The following FAM184B variants were observed in gnomAD, a reference collection of about 807,000 sequenced individuals.
FAM184B encodes protein FAM184B.
In FAM184B, 111 loss-of-function variants were observed where a neutral mutation model predicts 135.9. The ratio of observed to expected loss-of-function variants is 0.82; its 90% CI spans 0.70 to 0.96. The LOEUF (loss-of-function observed/expected upper bound fraction) is 0.96. Among genes scored for constraint, FAM184B ranks in the 40% least tolerant of loss-of-function variants. FAM184B has a pLI of 0.00. For missense variants in FAM184B, 1,375 were observed against 1,323.9 expected, an observed-to-expected ratio of 1.04 and a Z score of -0.60; for synonymous variants, 552 against 524.8, an observed-to-expected ratio of 1.05 and a Z score of -0.71.
intron 1 of FAM184B, among the ~76,000 whole-genome samples, chr4:17,761,831 T>C (rs914974707): frequency 6.6e-6 from 1 of 152,212 alleles, no homozygotes; most frequent in Admixed American, 6.5e-5. Flanking sequence ...TTTTGTTTTG[T>C]TTTGTTTTTC....
intron 1 of FAM184B, among the ~76,000 whole-genome samples, chr4:17,733,860 C>T (rs903752260): frequency 6.6e-5 from 10 of 152,192 alleles, no homozygotes; most frequent in African/African-American, 1.9e-4. Flanking sequence ...AAAAAGAGCC[C>T]GCATTGCCAA....
In FAM184B at chr4:17,635,025, A is replaced by C; in HGVS notation, c.2873T>G (p.Leu958Trp). 6.4e-7 allele frequency: 1 copy of C among 1,551,776 alleles called. No homozygotes were observed. The highest frequency in any genetic ancestry group is 8.7e-7 in the Non-Finnish European group (1 of 1,146,846). ...CCAATTTACCTTCATGGAAGGGGTC[A>C]AATATCCCGGGTGAGGATTGAAAGA... ...SFSFNPHPGY[L>W]TPSMKKKKVE... is the part of the protein sequence containing the mutation. Residue 958 changes from leucine to tryptophan, a missense_variant, in exon 16 of 18, where the codon TTG becomes TGG. Transcript: ENST00000265018.
chr4:17,712,231 G>A (rs1717292852), intron 1 of FAM184B, among the ~76,000 whole-genome samples: 1 of 152,152 alleles, frequency 6.6e-6, no homozygotes, highest in African/African-American at 2.4e-5. Context: ...GTTTTTTGGT[G>A]ATGACAAGGC....
chr4:17,660,902 C>T (rs1419941005), intron 8 of FAM184B, among the ~76,000 whole-genome samples: 1 of 151,968 alleles, frequency 6.6e-6, no homozygotes, highest in Admixed American at 6.6e-5. Context: ...TTTAGGGTCT[C>T]GGGCTGTGAG....
chr4:17,766,759 G>A lies in FAM184B; in HGVS notation c.141+14400C>T, dbSNP rs549359962. 1.6e-4 allele frequency among the ~76,000 whole-genome samples: 25 copies of A among 152,344 alleles called. No homozygotes were observed. In the South Asian group the frequency reaches 1.9e-3, roughly 11 times the overall value. On this transcript the variant is annotated intron_variant, in intron 1 of 17. Coordinates refer to ENST00000265018, the MANE Select transcript of FAM184B (RefSeq NM_015688.2). The stretch of plus-strand genomic sequence containing the variant: ...CAGCTGGTTTCACCTAGAGGATCCC[G>A]CACCGGGGCAGCAGGCGGAGGTGCC...
chr4:17,713,204 T>C (rs901094783), intron 1 of FAM184B, among the ~76,000 whole-genome samples: 1 of 152,028 alleles, frequency 6.6e-6, no homozygotes, highest in African/African-American at 2.4e-5. Context: ...AATAAAGGAG[T>C]CAGAACTCCA....
intron 15 of FAM184B, among the ~76,000 whole-genome samples, chr4:17,635,551 T>A (rs1216077538): frequency 6.6e-6 from 1 of 151,602 alleles, no homozygotes; most frequent in Non-Finnish European, 1.5e-5. Flanking sequence ...ATATGGCCGA[T>A]CTTGTTTGTG....
In FAM184B at chr4:17,664,630, C is replaced by G. The variant is rs1232051921; in HGVS notation, c.1626G>C (p.Ser542=). 1.3e-6 allele frequency: 2 copies of G among 1,549,532 alleles called. No homozygotes were observed. Among genetic ancestry groups the G allele is most frequent in the East Asian group, 4.9e-5 (2 of 40,848 alleles). ...QDPCLKLDET[S]PRGEEYQDKL... ...TATCTTGATACTCCTCTCCTCTCGG[C>G]GAAGTTTCATCCAGCTTCAAGCATG... The change falls in exon 8 of 18, where the codon TCG becomes TCC. Residue 542 remains serine (S), a synonymous_variant. Coordinates refer to ENST00000265018, the MANE Select transcript of FAM184B (RefSeq NM_015688.2).
chr4:17,649,868 T>TCATTCATC (rs148166955), intron 11 of FAM184B, among the ~76,000 whole-genome samples: 1 of 134,294 alleles, frequency 7.4e-6, no homozygotes, highest in Admixed American at 6.8e-5. Flanking sequence ...ATCCACCCAC[T>TCATTCATC]CATCCATCCA....
chr4:17,744,490 C>CACCACACA (rs1553841920), intron 1 of FAM184B, among the ~76,000 whole-genome samples: 1 of 137,394 alleles, frequency 7.3e-6, no homozygotes, highest in Non-Finnish European at 1.6e-5. Context: ...CACACACACA[C>CACCACACA]CACACACACA....
chr4:17,703,697 CCAAGGAGGGCGGATCACGAGGT>C (rs1287260797), intron 5 of FAM184B, among the ~76,000 whole-genome samples: 3 of 152,042 alleles, frequency 2.0e-5, no homozygotes, highest in African/African-American at 7.2e-5. Context: ...CTTTGGGAGG[CCAAGGAGGGCGGATCACGAGGT>C]CAAGAGATCT....
intron 1 of FAM184B, among the ~76,000 whole-genome samples, chr4:17,738,467 C>G (rs981557772): frequency 1.3e-5 from 2 of 152,092 alleles, no homozygotes; most frequent in East Asian, 3.9e-4. Context: ...TGCCTACATA[C>G]AATGTAGGCA....
At chr4:17,672,429 T>C (rs955044912) in intron 7 of FAM184B, among the ~76,000 whole-genome samples, 1 of 152,176 alleles carries the variant, frequency 6.6e-6, no homozygotes, top group African/African-American at 2.4e-5. Context: ...ATAGTGGGCT[T>C]TCTTGTCTTG....
At chr4:17,680,612 G>A (rs2108952370) in intron 7 of FAM184B, among the ~76,000 whole-genome samples, 1 of 152,280 alleles carries the variant, frequency 6.6e-6, no homozygotes, top group African/African-American at 2.4e-5. Flanking sequence ...CTACTCTTGG[G>A]TTTTTCCCAT....
intron 1 of FAM184B, among the ~76,000 whole-genome samples, chr4:17,758,095 G>T (rs1043908147): frequency 6.6e-6 from 1 of 152,206 alleles, no homozygotes; most frequent in African/African-American, 2.4e-5. Flanking sequence ...CTAACTAGCT[G>T]TGTGTCCTCA....
chr4:17,779,976 C>T (rs796832012), intron 1 of FAM184B, among the ~76,000 whole-genome samples: 38 of 152,208 alleles, frequency 2.5e-4, no homozygotes, highest in African/African-American at 7.9e-4. Flanking sequence ...TCAATAGTAC[C>T]AGCTATACAT....
rs762260244 is a variant in FAM184B at position 17,637,375 on chromosome 4, GGA to G, written c.2667-732_2667-731del. On this transcript the variant is annotated intron_variant, in intron 14 of 17. Coordinates refer to ENST00000265018, the MANE Select transcript of FAM184B (RefSeq NM_015688.2). ...CCAGAGAAGAGTAACTGGGTGGTGA[GGA>G]GAGGAGGGCTGGGGGTGCAGATAAT... Among the ~76,000 whole-genome samples the G allele has an allele frequency of 4.6e-5, 7 of 152,332 alleles. No individual in the cohort carries two copies. In the East Asian group the frequency reaches 7.7e-4, roughly 17 times the overall value.
At chr4:17,779,208 C>G (rs1019489647) in intron 1 of FAM184B, among the ~76,000 whole-genome samples, 1 of 152,096 alleles carries the variant, frequency 6.6e-6, no homozygotes, top group African/African-American at 2.4e-5. Context: ...TATTAGTAAT[C>G]GCAATAAATC....
intron 7 of FAM184B, among the ~76,000 whole-genome samples, chr4:17,682,176 TCTC>T (rs1485165603): frequency 6.6e-6 from 1 of 152,022 alleles, no homozygotes; most frequent in Non-Finnish European, 1.5e-5. Flanking sequence ...CTTCCACCCT[TCTC>T]CACCGCCCGT....
Sources: allele counts gnomAD v4.1 joint callset (sites outside exome capture counted in the v4.1 genomes callset), GRCh38; gene constraint gnomAD v4.1.1; transcripts MANE v1.5; gene names NCBI Gene and HGNC (gene_info 2026-07-23, HGNC 2026-07-21).